The following MED15 variants were observed in gnomAD, a reference collection of about 807,000 sequenced individuals.
MED15 encodes the protein mediator complex subunit 15.
Under a neutral mutation model 118.7 loss-of-function variants are expected in MED15, and 41 were observed. The observed-to-expected ratio is 0.35, with a 90% CI of 0.27 to 0.45. The LOEUF (loss-of-function observed/expected upper bound fraction) is 0.45. Ranked by LOEUF, MED15 falls within the 20% of genes least tolerant of loss-of-function variation. MED15 has a pLI of 1.00. For synonymous variants in MED15, 436 were observed against 413.9 expected, an observed-to-expected ratio of 1.05 and a Z score of -0.65; for missense variants, 740 against 1,025.5, an observed-to-expected ratio of 0.72 and a Z score of 3.80.
intron 2 of MED15, among the ~76,000 whole-genome samples, chr22:20,546,132 G>A (rs906209399): frequency 3.9e-5 from 6 of 152,102 alleles, no homozygotes; most frequent in Non-Finnish European, 5.9e-5. Context: ...ATCCAAACGA[G>A]GGTCTTTTCT....
chr22:20,583,106 C>A lies in MED15; in HGVS notation c.1538-7C>A. ...GGGCTGTGGCCTCACCCGCCTGTGT[C>A]CTGCAGTGAACCCCAGCTCTGTCAT... On this transcript the variant is annotated splice_region_variant and splice_polypyrimidine_tract_variant and intron_variant, in intron 11 of 17. Transcript: ENST00000263205. 6.3e-7 allele frequency: 1 copy of A among 1,584,998 alleles called. No individual in the cohort carries two copies. Among genetic ancestry groups the A allele is most frequent in the Non-Finnish European group, 8.6e-7 (1 of 1,164,156 alleles).
intron 10 of MED15, 37 bp downstream of exon 10, chr22:20,582,784 C>T: frequency 6.3e-7 from 1 of 1,593,692 alleles, no homozygotes; most frequent in Non-Finnish European, 8.5e-7. Flanking sequence ...CCACCTGGCC[C>T]TCGAGGCTGG....
rs564085047 is a variant in MED15 at position 20,512,145 on chromosome 22, C to T, written c.68+4399C>T. On this transcript the variant is annotated intron_variant, in intron 1 of 17. Coordinates refer to ENST00000263205, the MANE Select transcript of MED15 (RefSeq NM_001003891.3). Reference sequence around the variant, plus strand: ...CTGGGACTACAGGCACACACCACCACGCCTGACTGATTTTTATATTTTTTG... The same window carrying T: ...CTGGGACTACAGGCACACACCACCATGCCTGACTGATTTTTATATTTTTTG... 1.8e-4 allele frequency among the ~76,000 whole-genome samples: 28 copies of T among 151,826 alleles called. No individual in the cohort carries two copies. The South Asian group carries it at 5.4e-3, about 29-fold the overall frequency.
At chr22:20,512,495 A>C (rs1158934520) in intron 1 of MED15, among the ~76,000 whole-genome samples, 3 of 151,322 alleles carry the variant, frequency 2.0e-5, no homozygotes, top group South Asian at 4.2e-4. Flanking sequence ...AGTTTCCCAT[A>C]GGACCTCATA....
Position 20,567,023 on chromosome 22 carries a change from T to C in MED15, c.1041+206T>C, listed in dbSNP as rs571144317. 4.6e-5 allele frequency among the ~76,000 whole-genome samples: 7 copies of C among 152,328 alleles called. No homozygotes were observed. In the East Asian group the frequency reaches 1.4e-3, roughly 29 times the overall value. On this transcript the variant is annotated intron_variant, in intron 7 of 17. Coordinates refer to ENST00000263205, the MANE Select transcript of MED15 (RefSeq NM_001003891.3). ...CATTTTGTGTTCTGAGAGCTGCTTC[T>C]GCACCCCGCACAGGGTACTGCTGCT...
chr22:20,513,623 A>G (rs888495550), intron 1 of MED15, among the ~76,000 whole-genome samples: 2 of 152,130 alleles, frequency 1.3e-5, no homozygotes, highest in South Asian at 4.1e-4. Flanking sequence ...GTAGAAAGCC[A>G]ATCTGTTTTA....
At chr22:20,518,944 C>T in intron 1 of MED15, 2 of 443,624 alleles carry the variant, frequency 4.5e-6, no homozygotes, top group Non-Finnish European at 9.1e-6. Flanking sequence ...CCTCCACCTC[C>T]TGGGCTCAAG....
chr22:20,537,901 C>T lies in MED15; in HGVS notation c.156+697C>T, dbSNP rs1031507375. On this transcript the variant is annotated intron_variant, in intron 2 of 17. Coordinates refer to ENST00000263205, the MANE Select transcript of MED15 (RefSeq NM_001003891.3). Reference sequence around the variant, plus strand: ...TAGAGTGGGCTCTGTACTATGGACACGTGTGACTGAAGTGGGATAGAGTGG... The same window carrying T: ...TAGAGTGGGCTCTGTACTATGGACATGTGTGACTGAAGTGGGATAGAGTGG... Among the ~76,000 whole-genome samples the T allele has an allele frequency of 1.2e-4, 18 of 152,284 alleles. No individual in the cohort carries two copies. In the East Asian group the frequency reaches 3.3e-3, roughly 28 times the overall value.
chr22:20,548,866 G>A (rs771973726), intron 2 of MED15, among the ~76,000 whole-genome samples: 1 of 152,190 alleles, frequency 6.6e-6, no homozygotes, highest in African/African-American at 2.4e-5. Flanking sequence ...GAGTGCAGTG[G>A]AGTGGTCACA....
chr22:20,584,993 G>A lies in MED15; in HGVS notation c.1942G>A (p.Ala648Thr), dbSNP rs148867695. 12 of 1,613,888 alleles carry A rather than the reference G, an allele frequency of 7.4e-6. No individual in the cohort carries two copies. The highest frequency in any genetic ancestry group is 1.7e-5 in the Admixed American group (1 of 60,000). Residue 648 changes from alanine (A) to threonine (T), a missense_variant, in exon 15 of 18, where the codon GCC becomes ACC. Around this residue, in one of 7 missense-constraint regions of MED15, gnomAD observed 179 missense variants for 259.0 expected, o/e 0.69. Transcript: ENST00000263205. ...CCGCACATTCGTTCCAGCCATGACC[G>A]CCATTCACGGCCCACCCATCACGTA... ...LYRTFVPAMT[A>T]IHGPPITAPV...
At chr22:20,509,789 T>C (rs780550432) in intron 1 of MED15, among the ~76,000 whole-genome samples, 7 of 152,078 alleles carry the variant, frequency 4.6e-5, no homozygotes, top group Non-Finnish European at 8.8e-5. Flanking sequence ...GGTGAAAACT[T>C]GAGAGATATC....
intron 5 of MED15, among the ~76,000 whole-genome samples, chr22:20,561,095 A>G (rs2056222486): frequency 6.6e-6 from 1 of 152,234 alleles, no homozygotes; most frequent in African/African-American, 2.4e-5. Context: ...AATTATTGCT[A>G]AAACAATGGA....
At chr22:20,522,586 G>C (rs1167139745) in intron 1 of MED15, 1 of 152,252 alleles carries the variant, frequency 6.6e-6, no homozygotes, top group Non-Finnish European at 1.5e-5. Context: ...GCAGGAGAAA[G>C]GGAGGAGGGA....
chr22:20,534,859 G>A (rs1264275660), intron 1 of MED15, among the ~76,000 whole-genome samples: 1 of 152,176 alleles, frequency 6.6e-6, no homozygotes, highest in Non-Finnish European at 1.5e-5. Context: ...TGTGGCCCTG[G>A]TGACCTTTCT....
chr22:20,558,001 G>T (rs1017711570), intron 5 of MED15, among the ~76,000 whole-genome samples: 3 of 152,218 alleles, frequency 2.0e-5, no homozygotes, highest in Admixed American at 2.0e-4. Context: ...AGCTACTCGG[G>T]AGACTAAGGC....
At chr22:20,575,347 A>G (rs2056792443) in intron 9 of MED15, 115 bp downstream of exon 9, 1 of 1,348,476 alleles carries the variant, frequency 7.4e-7, no homozygotes, top group South Asian at 1.5e-5. Flanking sequence ...GGTGGCTTTC[A>G]GAGTGCCAAA....
intron 1 of MED15, among the ~76,000 whole-genome samples, chr22:20,527,956 CAAAAAAA>C (rs763536363): frequency 3.2e-5 from 3 of 94,592 alleles, no homozygotes; most frequent in African/African-American, 7.2e-5. Flanking sequence ...GACTCCGTCT[CAAAAAAA>C]AAAAAAAAAA....
At chr22:20,582,363 G>A (rs139767123) in intron 9 of MED15, 552 of 588,568 alleles carry the variant, frequency 9.4e-4, no homozygotes, top group Middle Eastern at 1.8e-3. Flanking sequence ...CTGTGCCCCT[G>A]TGGGTCCCTG....
At chr22:20,542,032 G>A (rs2055334402) in intron 2 of MED15, among the ~76,000 whole-genome samples, 1 of 152,056 alleles carries the variant, frequency 6.6e-6, no homozygotes, top group Non-Finnish European at 1.5e-5. Context: ...GACCTCAGGT[G>A]GTCTACCCAT....
Sources: gnomAD v4.1 joint callset for allele counts (sites outside exome capture counted in the v4.1 genomes callset) on GRCh38, gnomAD v4.1.1 for gene constraint, gnomAD v4.1.1 regional missense constraint, MANE v1.5 for transcripts, NCBI Gene and HGNC (gene_info 2026-07-23, HGNC 2026-07-21) for gene names.